Variants in LAMA2 observed in about 807,000 individuals in gnomAD.
The protein encoded by LAMA2 is laminin subunit alpha 2, also known as laminin subunit alpha-2.
A neutral mutation model predicts 364.8 loss-of-function variants in LAMA2; 269 were observed. The observed-to-expected ratio is 0.74, with a 90% CI of 0.67 to 0.82. The LOEUF is 0.82. Among genes scored for constraint, LAMA2 ranks in the 40% least tolerant of loss-of-function variants. The pLI is 0.00. For synonymous variants in LAMA2, 1,379 were observed against 1,370.6 expected, an observed-to-expected ratio of 1.01 and a Z score of -0.14; for missense variants, 3,807 against 3,873.2, an observed-to-expected ratio of 0.98 and a Z score of 0.45.
rs1049899316 is a variant in LAMA2, at chr6:129,236,327, T to C, written c.1783-13785T>C. Among the ~76,000 whole-genome samples the C allele has an allele frequency of 3.9e-5, 6 of 152,292 alleles. No individual in the cohort carries two copies. In the South Asian group the frequency reaches 8.3e-4, roughly 21 times the overall value. ...TTCACTTTCATATTCTATATTTTGGTTTTCATTTTGTTCTTAAGAAACAAG... is the reference window on the plus strand; with the variant it reads ...TTCACTTTCATATTCTATATTTTGGCTTTCATTTTGTTCTTAAGAAACAAG... On this transcript the variant is annotated intron_variant, in intron 12 of 64. Transcript: ENST00000421865.
chr6:129,174,843 C>T (rs745946322), intron 9 of LAMA2, among the ~76,000 whole-genome samples: 1 of 152,126 alleles, frequency 6.6e-6, no homozygotes, highest in Non-Finnish European at 1.5e-5. Context: ...ACCTACCTAC[C>T]TACCTACCTA....
intron 12 of LAMA2, among the ~76,000 whole-genome samples, chr6:129,204,584 T>C (rs1782501673): frequency 6.6e-6 from 1 of 152,018 alleles, no homozygotes; most frequent in African/African-American, 2.4e-5. Context: ...CTGGAACAGA[T>C]TCCTCTTAGC....
chr6:129,457,398 T>C (rs987587525), intron 48 of LAMA2, among the ~76,000 whole-genome samples: 1 of 152,042 alleles, frequency 6.6e-6, no homozygotes, highest in Non-Finnish European at 1.5e-5. Flanking sequence ...TAGATAAATA[T>C]AGGGATAGCA....
chr6:129,112,135 ACTC>A (rs1776194785), intron 4 of LAMA2, among the ~76,000 whole-genome samples: 1 of 151,738 alleles, frequency 6.6e-6, no homozygotes, highest in African/African-American at 2.4e-5. Context: ...CTTATCTACT[ACTC>A]TCTTCAGGAT....
At chr6:129,185,273 C>T (rs17056914) in intron 10 of LAMA2, among the ~76,000 whole-genome samples, 23,415 of 151,670 alleles carry the variant, frequency 0.15, 3,184 homozygotes, top group African/African-American at 0.37. Context: ...AAGAAAACTA[C>T]GGTGACTATT....
chr6:129,144,175 G>T, intron 5 of LAMA2, 95 bp downstream of exon 5: 1 of 914,698 alleles, frequency 1.1e-6, no homozygotes. Context: ...GTGATTTGTA[G>T]GAGTGGTTAT....
At chr6:129,145,266 C>T (rs1462157813) in intron 5 of LAMA2, among the ~76,000 whole-genome samples, 3 of 152,036 alleles carry the variant, frequency 2.0e-5, no homozygotes, top group African/African-American at 7.2e-5. Context: ...TAACTTCCCA[C>T]ACCCAACCTC....
At chr6:128,941,168 C>T (rs952615990) in intron 1 of LAMA2, among the ~76,000 whole-genome samples, 8 of 152,090 alleles carry the variant, frequency 5.3e-5, no homozygotes, top group African/African-American at 1.9e-4. Context: ...ATAAGCCTTG[C>T]TGGAGTGGAG....
rs2114508707 is a variant in LAMA2 at position 128,928,918 on chromosome 6, C to CCT, written c.112+45561_112+45562insCT. The CCT allele has an allele frequency of 5.3e-6, 4 of 754,206 alleles. No individual in the cohort carries two copies. The East Asian group carries it at 9.8e-5, about 19-fold the overall frequency. The allele number at this position is 754,206 out of a possible 1,614,324, so 46.7% of individuals were successfully genotyped here. On this transcript the variant is annotated intron_variant, in intron 1 of 64. Transcript: ENST00000421865. ...CAGGACCTCTTTTGGGCATTTCTTC[C>CCT]TAAGTGGAATACACAACAGATAAGG...
intron 1 of LAMA2, among the ~76,000 whole-genome samples, chr6:128,935,219 A>AC (rs1779743085): frequency 1.2e-4 from 4 of 33,886 alleles, no homozygotes; most frequent in Admixed American, 3.0e-4. Flanking sequence ...CCCCAGCCCC[A>AC]CACCCCCCCC....
At chr6:128,932,114 G>C (rs1779522570) in intron 1 of LAMA2, among the ~76,000 whole-genome samples, 1 of 152,108 alleles carries the variant, frequency 6.6e-6, no homozygotes, top group Non-Finnish European at 1.5e-5. Context: ...TACTGTAAAT[G>C]TAATCTTCAC....
chr6:129,146,779 G>A (rs1003799797), intron 5 of LAMA2, among the ~76,000 whole-genome samples, 180 bp from the exon 6 acceptor site: 1 of 152,102 alleles, frequency 6.6e-6, no homozygotes, highest in Admixed American at 6.6e-5. Context: ...TTTGGGCTAA[G>A]ATCACAGTGC....
chr6:129,394,506 C>T (rs757833512), intron 37 of LAMA2, among the ~76,000 whole-genome samples: 139 of 152,260 alleles, frequency 9.1e-4, no homozygotes, highest in Non-Finnish European at 1.8e-3. Context: ...AAGAGGCTTA[C>T]TTTTTTTCTT....
At chr6:129,426,402 G>C (rs1781326343) in intron 40 of LAMA2, among the ~76,000 whole-genome samples, 1 of 151,950 alleles carries the variant, frequency 6.6e-6, no homozygotes, top group Non-Finnish European at 1.5e-5. Context: ...AATCTGAGTG[G>C]GTAACCTGAG....
intron 1 of LAMA2, among the ~76,000 whole-genome samples, chr6:128,940,395 T>C (rs1780078689): frequency 6.6e-6 from 1 of 152,184 alleles, no homozygotes; most frequent in Non-Finnish European, 1.5e-5. Flanking sequence ...TCCTTCTTTA[T>C]TATAAGCTTT....
chr6:129,274,389 GA>G lies in LAMA2; in HGVS notation c.2450+3639del, dbSNP rs369844177. Among the ~76,000 whole-genome samples, 111 of 151,632 alleles carry G rather than the reference GA, an allele frequency of 7.3e-4. 1 individual carries two copies. In the East Asian group the frequency reaches 0.019, roughly 26 times the overall value. ...AATATTTGCATACAATCCTGAAGAC[GA>G]GATTTTAATTTCCACAGGTTATTCA... On this transcript the variant is annotated intron_variant, in intron 17 of 64. Transcript: ENST00000421865.
chr6:129,510,431 T>A (rs915813726), intron 62 of LAMA2, among the ~76,000 whole-genome samples: 16 of 152,146 alleles, frequency 1.1e-4, no homozygotes. Context: ...GAAAACTGCA[T>A]AATAATTTTT....
chr6:129,020,427 A>G (rs997277855), intron 1 of LAMA2, among the ~76,000 whole-genome samples: 2 of 152,214 alleles, frequency 1.3e-5, no homozygotes, highest in Non-Finnish European at 1.5e-5. Context: ...GCAACAAAGT[A>G]TGAGACTTAA....
intron 2 of LAMA2, among the ~76,000 whole-genome samples, chr6:129,053,947 A>C (rs1788279573): frequency 6.6e-6 from 1 of 152,220 alleles, no homozygotes. Flanking sequence ...GTTGAAGACC[A>C]AGTGGTGGTG....
Sources: allele counts gnomAD v4.1 joint callset (sites outside exome capture counted in the v4.1 genomes callset), GRCh38; gene constraint gnomAD v4.1.1; transcripts MANE v1.5; gene names NCBI Gene and HGNC (gene_info 2026-07-23, HGNC 2026-07-21).